The following FHDC1 variants were observed in gnomAD, a reference collection of about 807,000 sequenced individuals.
FHDC1 encodes the protein FH2 domain containing 1, also known as FH2 domain-containing protein 1.
Under a neutral mutation model 52.6 loss-of-function variants are expected in FHDC1, and 25 were observed. That is an observed-to-expected ratio of 0.48 (90% CI 0.35 to 0.66). The LOEUF (loss-of-function observed/expected upper bound fraction) is 0.66. Among genes scored for constraint, FHDC1 ranks in the 30% least tolerant of loss-of-function variants. The pLI is 0.01. For synonymous variants in FHDC1, 616 were observed against 581.5 expected, an observed-to-expected ratio of 1.06 and a Z score of -0.85; for missense variants, 1,459 against 1,452.8, an observed-to-expected ratio of 1.00 and a Z score of -0.07.
In FHDC1 at chr4:152,960,593, A is replaced by G. The variant is rs1740250695; in HGVS notation, c.692A>G (p.Asp231Gly). 3 of 1,614,182 alleles carry G rather than the reference A, an allele frequency of 1.9e-6. No individual in the cohort carries two copies. Among genetic ancestry groups the G allele is most frequent in the South Asian group, 2.2e-5 (2 of 91,082 alleles). Residue 231 changes from aspartate (D) to glycine (G), a missense_variant, in exon 5 of 12, where the codon GAC becomes GGC. Asp to Gly is a moderately conservative substitution (Grantham distance 94). This residue lies in a region of FHDC1 where 513 missense variants were observed against 581.5 expected (regional missense o/e 0.88). Transcript: ENST00000511601. The stretch of plus-strand genomic sequence containing the variant: ...AAGAAGTTAAAAGCGTTTAGTGGCG[A>G]CGTGTCGAAGCTGTCTCTGGCAGAT... ...EVKKLKAFSG[D>G]VSKLSLADSF... is the part of the protein sequence containing the mutation.
chr4:152,920,140 G>T, the FHDC1 span, among the ~76,000 whole-genome samples: 644 of 151,878 alleles, frequency 4.2e-3, 4 homozygotes, highest in African/African-American at 0.015. Flanking sequence ...TAGAGACAGG[G>T]TTTCACCATA....
chr4:152,974,543 C>A, intron 11 of FHDC1, 132 bp from the exon 12 acceptor site: 1 of 1,345,372 alleles, frequency 7.4e-7, no homozygotes, highest in Non-Finnish European at 9.8e-7. Flanking sequence ...CAGCCTCTTT[C>A]TCAGTGTAAG....
At position 152,975,029 on chromosome 4, in the gene FHDC1, C is replaced by T. The variant is rs779718582; in HGVS notation, c.1738C>T (p.Arg580Trp). Reference protein sequence around the residue: ...SLPRSSPRQARPTIACLEPAE... With the variant: ...SLPRSSPRQAWPTIACLEPAE... The stretch of plus-strand genomic sequence containing the variant: ...GCCCCGGAGCAGCCCCCGGCAGGCC[C>T]GGCCCACGATAGCCTGCCTGGAGCC... The change falls in exon 12 of 12, where the codon CGG (arginine) becomes TGG (tryptophan). Residue 580 changes from arginine to tryptophan, a missense_variant. Arg to Trp is a moderately radical substitution (Grantham distance 101). This residue lies in a region of FHDC1 where 939 missense variants were observed against 854.5 expected (regional missense o/e 1.10). Transcript: ENST00000511601. 6.0e-5 allele frequency: 97 copies of T among 1,612,516 alleles called. No homozygotes were observed. Among genetic ancestry groups the T allele is most frequent in the Middle Eastern group, 3.3e-4 (2 of 6,080 alleles).
chr4:152,920,239 A>C, the FHDC1 span, among the ~76,000 whole-genome samples: 2 of 151,882 alleles, frequency 1.3e-5, no homozygotes, highest in Non-Finnish European at 2.9e-5. Context: ...GAGCCACTGC[A>C]CCTGGCCTGG....
At chr4:152,925,635 C>T in the FHDC1 span, among the ~76,000 whole-genome samples, 1 of 151,912 alleles carries the variant, frequency 6.6e-6, no homozygotes, top group Non-Finnish European at 1.5e-5. Context: ...CTGGACTGAG[C>T]CCACACTGAA....
Position 152,975,311 on chromosome 4 carries a change from G to A in FHDC1, c.2020G>A (p.Glu674Lys). The A allele has an allele frequency of 6.2e-7, 1 of 1,613,662 alleles. No individual in the cohort carries two copies. Among genetic ancestry groups the A allele is most frequent in the Non-Finnish European group, 8.5e-7 (1 of 1,180,032 alleles). Residue 674 changes from glutamate (E) to lysine (K), a missense_variant, in exon 12 of 12, where the codon GAG becomes AAG. Glu to Lys is a moderately conservative substitution (Grantham distance 56). Coordinates refer to ENST00000511601, the MANE Select transcript of FHDC1 (RefSeq NM_001371116.1). ...ATTGGCTCTGGGAATTAAGGAGCAT[G>A]AGCTGGTGACAGGGCTGGCCCAGTT... ...SPLALGIKEHELVTGLAQFNL... is the reference protein window; with the variant it reads ...SPLALGIKEHKLVTGLAQFNL...
chr4:152,915,277 T>C, the FHDC1 span, among the ~76,000 whole-genome samples: 1 of 152,180 alleles, frequency 6.6e-6, no homozygotes, highest in Admixed American at 6.5e-5. Flanking sequence ...CAGGCCCAGC[T>C]AAGTTTTGTG....
At chr4:152,949,079 A>T (rs1442626652) in intron 2 of FHDC1, among the ~76,000 whole-genome samples, 1 of 146,300 alleles carries the variant, frequency 6.8e-6, no homozygotes, top group African/African-American at 2.5e-5. Flanking sequence ...ACAGAGCAAA[A>T]CCTTGTCTCA....
At chr4:152,945,348 C>T (rs1739698001) in intron 2 of FHDC1, among the ~76,000 whole-genome samples, 1 of 152,230 alleles carries the variant, frequency 6.6e-6, no homozygotes, top group African/African-American at 2.4e-5. Flanking sequence ...CAGATTTTTA[C>T]ACTTTTGTCA....
chr4:152,940,595 G>A (rs1739548567), intron 1 of FHDC1, among the ~76,000 whole-genome samples: 1 of 152,178 alleles, frequency 6.6e-6, no homozygotes, highest in Non-Finnish European at 1.5e-5. Flanking sequence ...TGCATTGTGA[G>A]GTTTAGTGGC....
intron 2 of FHDC1, among the ~76,000 whole-genome samples, chr4:152,948,340 A>T (rs992170015): frequency 6.6e-6 from 1 of 152,240 alleles, no homozygotes; most frequent in Non-Finnish European, 1.5e-5. Context: ...GTCGCAAAGG[A>T]CAAATACTGT....
chr4:152,955,646 C>T (rs759117449), intron 4 of FHDC1, among the ~76,000 whole-genome samples: 1 of 152,068 alleles, frequency 6.6e-6, no homozygotes, highest in Admixed American at 6.6e-5. Flanking sequence ...CACCACGCCC[C>T]GCCTAACTTT....
chr4:152,976,732 T>C lies in FHDC1; in HGVS notation c.*9T>C, dbSNP rs17029392. On this transcript the variant is annotated 3_prime_UTR_variant, in exon 12 of 12. Transcript: ENST00000511601. ...ATCCCTTACGGAAGTGATGGGTGCC[T>C]GTCCTCTCCTGCCTCCTGGGATTCA... 2.2e-3 allele frequency: 3,206 copies of C among 1,462,874 alleles called. 61 individuals carry two copies. In the African/African-American group the frequency reaches 0.039, roughly 18 times the overall value. 90.6% of individuals were successfully genotyped at this position (1,462,874 alleles called of 1,614,324 possible).
rs773355636 is a variant in FHDC1, at chr4:152,976,004, G to A, written c.2713G>A (p.Val905Ile). 2 of 1,544,690 alleles carry A rather than the reference G, an allele frequency of 1.3e-6. No individual in the cohort carries two copies. Among genetic ancestry groups the A allele is most frequent in the Non-Finnish European group, 1.7e-6 (2 of 1,149,578 alleles). ...TASENESMRK[V>I]MPITKSSRGA... ...CTCAGAGAACGAGAGCATGCGCAAG[G>A]TCATGCCCATCACCAAGTCCAGCAG... is the stretch of plus-strand genomic sequence containing the variant. Residue 905 changes from valine (V) to isoleucine (I), a missense_variant, in exon 12 of 12, where the codon GTC (valine) becomes ATC (isoleucine). Around this residue, in one of 3 missense-constraint regions of FHDC1, gnomAD observed 939 missense variants for 854.5 expected, o/e 1.10. Transcript: ENST00000511601.
At chr4:152,912,729 A>T in the FHDC1 span, among the ~76,000 whole-genome samples, 1 of 152,188 alleles carries the variant, frequency 6.6e-6, no homozygotes, top group African/African-American at 2.4e-5. Flanking sequence ...CAGGGAATGG[A>T]TGAAAATGGC....
chr4:152,967,271 C>T (rs941340942), intron 9 of FHDC1, among the ~76,000 whole-genome samples: 11 of 152,106 alleles, frequency 7.2e-5, no homozygotes, highest in African/African-American at 2.4e-4. Context: ...ACTAAAAATA[C>T]AAAAATTAAG....
chr4:152,939,498 G>A (rs1055992006), intron 1 of FHDC1, among the ~76,000 whole-genome samples: 1 of 152,188 alleles, frequency 6.6e-6, no homozygotes, highest in Admixed American at 6.5e-5. Flanking sequence ...GTTTAGGCAG[G>A]AGAGCTTAGG....
In FHDC1 at chr4:152,957,236, T is replaced by C. The variant is rs374216470; in HGVS notation, c.663+2917T>C. On this transcript the variant is annotated intron_variant, in intron 4 of 11. Transcript: ENST00000511601. The stretch of plus-strand genomic sequence containing the variant: ...GCTCATTTTTAGCACAAGTAAGGAC[T>C]AAACCTTTATTGAGTGCCCCCATGT... Among the ~76,000 whole-genome samples, 182 of 152,334 alleles carry C rather than the reference T, an allele frequency of 1.2e-3. 6 individuals carry two copies. In the South Asian group the frequency reaches 0.036, roughly 30 times the overall value.
chr4:152,929,418 GT>G, the FHDC1 span, among the ~76,000 whole-genome samples: 1 of 152,184 alleles, frequency 6.6e-6, no homozygotes, highest in Admixed American at 6.5e-5. The surrounding 1 kb of genome is among the most constrained non-coding windows in gnomAD (Gnocchi z 4.1). Flanking sequence ...ATTTCCTTGT[GT>G]GCAAACTGTG....
Sources: allele counts gnomAD v4.1 joint callset (sites outside exome capture counted in the v4.1 genomes callset), GRCh38; gene constraint gnomAD v4.1.1; regional missense constraint gnomAD v4.1.1; non-coding constraint Gnocchi (gnomAD v3.1); transcripts MANE v1.5; gene names NCBI Gene and HGNC (gene_info 2026-07-23, HGNC 2026-07-21).